The following PLBD1 variants were observed in gnomAD, a reference collection of about 807,000 sequenced individuals.
The protein encoded by PLBD1 is lysosomal leucine aminopeptidase.
In PLBD1, 60 loss-of-function variants were observed where a neutral mutation model predicts 63.0. The observed-to-expected ratio is 0.95, with a 90% CI of 0.77 to 1.18. PLBD1 has a LOEUF of 1.18. PLBD1 is among the 50% of genes most tolerant of loss of function. The pLI, the probability that PLBD1 is intolerant of heterozygous loss-of-function variation, is 0.00. For missense variants in PLBD1, 598 were observed against 677.9 expected (o/e 0.88, Z 1.31); for synonymous variants, 262 against 248.0 (o/e 1.06, Z -0.53).
intron 2 of PLBD1, among the ~76,000 whole-genome samples, chr12:14,542,889 T>C (rs954002464): frequency 3.3e-5 from 5 of 151,726 alleles, no homozygotes; most frequent in Non-Finnish European, 7.4e-5. Flanking sequence ...GTACTAAAAA[T>C]GGAAAAAATT....
chr12:14,510,734 C>G (rs1945291511), intron 8 of PLBD1, among the ~76,000 whole-genome samples: 1 of 152,156 alleles, frequency 6.6e-6, no homozygotes, highest in South Asian at 2.1e-4. Flanking sequence ...TTCTTGCCCA[C>G]CAGAAGTGCC....
intron 6 of PLBD1, among the ~76,000 whole-genome samples, chr12:14,513,722 C>T (rs182216592): frequency 2.0e-5 from 3 of 151,818 alleles, no homozygotes; most frequent in African/African-American, 7.3e-5. Flanking sequence ...ATTTTAATTT[C>T]TTGAAATTTC....
intron 4 of PLBD1, 137 bp downstream of exon 4, chr12:14,540,627 T>G: frequency 1.1e-6 from 1 of 945,228 alleles, no homozygotes. Flanking sequence ...ATGAGAGCTA[T>G]GACAGTTCTT....
chr12:14,567,571 G>C lies in PLBD1; in HGVS notation c.115+11C>G, dbSNP rs779453512. The C allele has an allele frequency of 9.4e-5, 141 of 1,494,176 alleles. No homozygotes were observed. The highest frequency in any genetic ancestry group is 1.2e-4 in the Non-Finnish European group (139 of 1,130,558). The allele number at this position is 1,494,176 out of a possible 1,614,324, so 92.6% of individuals were successfully genotyped here. A position where few individuals can be genotyped will look rare whatever the true frequency, so the allele number is the denominator to read the frequency against. Reference sequence around the variant, plus strand: ...CCCGGGCGCCCCCCGCCCAGGGCGCGCTCTGCTCACCTGCAGGTTTCGGCG... The same window carrying C: ...CCCGGGCGCCCCCCGCCCAGGGCGCCCTCTGCTCACCTGCAGGTTTCGGCG... On this transcript the variant is annotated intron_variant, in intron 1 of 10. Transcript: ENST00000240617.
chr12:14,504,023 CCCCACTCT>C, intron 10 of PLBD1, 69 bp from the exon 11 acceptor site: 1 of 1,391,990 alleles, frequency 7.2e-7, no homozygotes, highest in Non-Finnish European at 9.9e-7. Flanking sequence ...CCATGGCCTT[CCCCACTCT>C]CCCACTACCA....
Position 14,535,808 on chromosome 12 carries a change from A to G in PLBD1, c.700-5T>C. 2.5e-6 allele frequency: 4 copies of G among 1,613,274 alleles called. No homozygotes were observed. Among genetic ancestry groups the G allele is most frequent in the Non-Finnish European group, 3.4e-6 (4 of 1,179,684 alleles). ...GTTCTCAAATCCAGGAAGAACCTAC[A>G]GCCAGAATCATAGTGGATTACACAG... On this transcript the variant is annotated splice_region_variant and splice_polypyrimidine_tract_variant and intron_variant, in intron 5 of 10. Transcript: ENST00000240617.
intron 4 of PLBD1, among the ~76,000 whole-genome samples, chr12:14,539,662 T>C (rs147049226): frequency 0.011 from 1,708 of 151,520 alleles, 21 homozygotes; most frequent in African/African-American, 0.04. Flanking sequence ...GGCTCAAGTT[T>C]GTAGTCCCAG....
intron 8 of PLBD1, 76 bp downstream of exon 8, chr12:14,511,184 C>T: frequency 8.2e-7 from 1 of 1,222,988 alleles, no homozygotes; most frequent in South Asian, 1.4e-5. Flanking sequence ...CACATTCACA[C>T]AATGTGCATT....
intron 6 of PLBD1, among the ~76,000 whole-genome samples, chr12:14,533,695 G>C (rs1331803503): frequency 1.3e-5 from 2 of 152,204 alleles, no homozygotes; most frequent in Non-Finnish European, 2.9e-5. Flanking sequence ...GAATGTGAAA[G>C]AATCAAAGCA....
In PLBD1 at chr12:14,538,824, G is replaced by A. The variant is rs185867811; in HGVS notation, c.558+1940C>T. Among the ~76,000 whole-genome samples the A allele has an allele frequency of 5.9e-3, 904 of 152,162 alleles. 38 individuals are homozygous for A. Among genetic ancestry groups the A allele is most frequent in the Admixed American group, 0.054 (822 of 15,274 alleles). ...GTGAATCACCTGAGGTCAGGAGTTC[G>A]AGACCAGCCTGGCTAACACGGTGAA... On this transcript the variant is annotated intron_variant, in intron 4 of 10. Transcript: ENST00000240617.
chr12:14,516,750 C>T (rs907307466), intron 6 of PLBD1, among the ~76,000 whole-genome samples: 2 of 151,976 alleles, frequency 1.3e-5, no homozygotes, highest in African/African-American at 4.8e-5. Flanking sequence ...AATTAAAAGT[C>T]CTTTGAGGCC....
At chr12:14,557,309 G>C (rs1945713710) in intron 1 of PLBD1, among the ~76,000 whole-genome samples, 1 of 151,964 alleles carries the variant, frequency 6.6e-6, no homozygotes, top group African/African-American at 2.4e-5. Context: ...CCCATTACTG[G>C]GCATATACTC....
intron 2 of PLBD1, among the ~76,000 whole-genome samples, chr12:14,546,627 C>T (rs1592006736): frequency 6.6e-6 from 1 of 152,142 alleles, no homozygotes; most frequent in South Asian, 2.1e-4. Flanking sequence ...GGTGCAACTG[C>T]TAGCTAGTGG....
intron 6 of PLBD1, among the ~76,000 whole-genome samples, chr12:14,517,998 T>C (rs1945348092): frequency 6.6e-6 from 1 of 152,106 alleles, no homozygotes; most frequent in Admixed American, 6.5e-5. Flanking sequence ...CTGGCCAACA[T>C]GGTGAAACCG....
intron 6 of PLBD1, among the ~76,000 whole-genome samples, chr12:14,513,362 ATG>A (rs1298426442): frequency 1.3e-5 from 2 of 152,238 alleles, no homozygotes; most frequent in Non-Finnish European, 2.9e-5. Context: ...CTCAGAAACT[ATG>A]GACTTAATGT....
chr12:14,549,690 T>C (rs898342313), intron 2 of PLBD1, among the ~76,000 whole-genome samples: 4 of 151,988 alleles, frequency 2.6e-5, no homozygotes, highest in African/African-American at 7.2e-5. Context: ...TTTTTTGAGA[T>C]GGAGTTTCAC....
At chr12:14,542,514 T>A (rs1349190733) in intron 2 of PLBD1, among the ~76,000 whole-genome samples, 2 of 152,190 alleles carry the variant, frequency 1.3e-5, no homozygotes, top group African/African-American at 2.4e-5. Flanking sequence ...ACCGCTCAAC[T>A]TTATTAAGTT....
chr12:14,527,659 C>T (rs1270460279), intron 6 of PLBD1, among the ~76,000 whole-genome samples: 2 of 151,806 alleles, frequency 1.3e-5, no homozygotes, highest in African/African-American at 4.8e-5. Flanking sequence ...CTTTGTACAA[C>T]AAAAAACAAA....
At chr12:14,550,915 C>T (rs1945653750) in intron 2 of PLBD1, among the ~76,000 whole-genome samples, 1 of 151,738 alleles carries the variant, frequency 6.6e-6, no homozygotes. Context: ...TGGTGGCTCA[C>T]ACCTGTAGGC....
Sources: gnomAD v4.1 joint callset for allele counts (sites outside exome capture counted in the v4.1 genomes callset) on GRCh38, gnomAD v4.1.1 for gene constraint, MANE v1.5 for transcripts, NCBI Gene and HGNC (gene_info 2026-07-23, HGNC 2026-07-21) for gene names.